The following IFRD1 variants were observed in gnomAD, a reference collection of about 807,000 sequenced individuals.
IFRD1 encodes the protein interferon-related developmental regulator 1.
In IFRD1, 35 loss-of-function variants were observed where a neutral mutation model predicts 52.9. The observed-to-expected ratio is 0.66, with a 90% CI of 0.51 to 0.88. The LOEUF (loss-of-function observed/expected upper bound fraction) is 0.88, where lower values mean the gene tolerates loss of function less well. Ranked by LOEUF, IFRD1 falls within the 40% of genes least tolerant of loss-of-function variation. The pLI is 0.00. For synonymous variants in IFRD1, 184 were observed against 188.4 expected, an observed-to-expected ratio of 0.98 and a Z score of 0.19; for missense variants, 517 against 550.8, an observed-to-expected ratio of 0.94 and a Z score of 0.61.
chr7:112,456,149 A>G lies in IFRD1; in HGVS notation c.284+63A>G, dbSNP rs946434676. On this transcript the variant is annotated intron_variant, in intron 3 of 11. Coordinates refer to ENST00000403825, the MANE Select transcript of IFRD1 (RefSeq NM_001550.4). ...TGCTTGATCTTAGTCAAAAGCTAAG[A>G]GAAATGATTATTCTGTGTGATTCTA... 4.3e-5 allele frequency: 40 copies of G among 925,636 alleles called. No individual in the cohort carries two copies. The African/African-American group carries it at 6.3e-4, about 15-fold the overall frequency. 57.3% of individuals were successfully genotyped at this position (925,636 alleles called of 1,614,324 possible). A position where few individuals can be genotyped will look rare whatever the true frequency, so the allele number is the denominator to read the frequency against.
intron 5 of IFRD1, 106 bp downstream of exon 5, chr7:112,459,124 G>T (rs1404670542): frequency 2.1e-6 from 2 of 968,252 alleles, no homozygotes; most frequent in East Asian, 2.4e-5. Flanking sequence ...GCAAGAGAGA[G>T]GATCTTGTAA....
chr7:112,455,945 A>C lies in IFRD1; in HGVS notation c.200-57A>C. ...GGAATTCTTGTAGCTAAAGTATACT[A>C]TTATTCCCTGTTTTTTTTCTTTTAA... On this transcript the variant is annotated intron_variant, in intron 2 of 11. Coordinates refer to ENST00000403825, the MANE Select transcript of IFRD1 (RefSeq NM_001550.4). 3 of 1,440,656 alleles carry C rather than the reference A, an allele frequency of 2.1e-6. No homozygotes were observed. The South Asian group carries it at 3.4e-5, about 16-fold the overall frequency. 89.2% of individuals were successfully genotyped at this position (1,440,656 alleles called of 1,614,324 possible).
chr7:112,458,305 T>C (rs1795343926), intron 4 of IFRD1: 1 of 145,108 alleles, frequency 6.9e-6, no homozygotes, highest in Non-Finnish European at 1.5e-5. Flanking sequence ...GGCGACAGAG[T>C]GAGACCCTGT....
At chr7:112,455,489 AC>A (rs1795268097) in intron 1 of IFRD1, among the ~76,000 whole-genome samples, 1 of 144,180 alleles carries the variant, frequency 6.9e-6, no homozygotes, top group Non-Finnish European at 1.5e-5. Flanking sequence ...TCTCAAAAAA[AC>A]AAAAAAAACA....
chr7:112,465,565 T>A (rs1440262803), intron 8 of IFRD1, among the ~76,000 whole-genome samples: 1 of 147,016 alleles, frequency 6.8e-6, no homozygotes, highest in East Asian at 2.0e-4. Flanking sequence ...AACAGTAAGA[T>A]CTATAACTTA....
At chr7:112,452,420 A>T (rs931461191) in intron 1 of IFRD1, 1 of 977,550 alleles carries the variant, frequency 1.0e-6, no homozygotes, top group Non-Finnish European at 1.2e-6. Context: ...GCCTCCCACA[A>T]TGCTGGGACG....
upstream of IFRD1, chr7:112,450,359 G>A (rs148515837): frequency 2.3e-5 from 8 of 346,498 alleles, no homozygotes; most frequent in Non-Finnish European, 3.8e-5. Flanking sequence ...CGTCCAGTGG[G>A]GAGGTGTGCA....
intron 4 of IFRD1, 25 bp from the exon 5 acceptor site, chr7:112,458,836 G>T: frequency 6.2e-7 from 1 of 1,610,494 alleles, no homozygotes; most frequent in South Asian, 1.1e-5. Flanking sequence ...AGACTATCGT[G>T]ATTGCATCTT....
intron 5 of IFRD1, among the ~76,000 whole-genome samples, chr7:112,459,333 A>G (rs1204950477): frequency 1.2e-4 from 19 of 152,186 alleles, no homozygotes; most frequent in Admixed American, 1.2e-3. Flanking sequence ...TTCATTCTCT[A>G]ATTGTTGGAT....
At chr7:112,432,686 A>C (rs1243431061) in intron 1 of IFRD1, among the ~76,000 whole-genome samples, 1 of 152,224 alleles carries the variant, frequency 6.6e-6, no homozygotes, top group South Asian at 2.1e-4. Context: ...GACACACATC[A>C]GCCTGGCTTC....
intron 5 of IFRD1, 56 bp downstream of exon 5, chr7:112,459,074 G>T: frequency 7.1e-7 from 1 of 1,412,356 alleles, no homozygotes; most frequent in Non-Finnish European, 9.9e-7. Context: ...CCCAGACGTG[G>T]TGCGCCTATA....
intron 1 of IFRD1, among the ~76,000 whole-genome samples, chr7:112,438,553 C>T (rs751591464): frequency 2.0e-5 from 3 of 152,100 alleles, no homozygotes; most frequent in Non-Finnish European, 4.4e-5. Context: ...TTTGAGAGTT[C>T]CTTGATCAGC....
chr7:112,443,044 T>A (rs1453131609), intron 1 of IFRD1, among the ~76,000 whole-genome samples: 1 of 152,204 alleles, frequency 6.6e-6, no homozygotes, highest in Non-Finnish European at 1.5e-5. Flanking sequence ...GTTCTATCAT[T>A]AATCACATTG....
intron 1 of IFRD1, among the ~76,000 whole-genome samples, chr7:112,430,892 A>C (rs985406650): frequency 6.6e-6 from 1 of 152,204 alleles, no homozygotes; most frequent in Non-Finnish European, 1.5e-5. Flanking sequence ...CACCTAGGTC[A>C]GCACCGTGTT....
At position 112,474,518 on chromosome 7, in the gene IFRD1, G is replaced by A. The variant is rs575864660; in HGVS notation, c.1267-912G>A. On this transcript the variant is annotated intron_variant, in intron 11 of 11. Transcript: ENST00000403825. Reference sequence around the variant, plus strand: ...ATATCCACATAATTGTTTCTTGTACGGCATTTTAAGTTTTTTTTAAGAAAC... The same window carrying A: ...ATATCCACATAATTGTTTCTTGTACAGCATTTTAAGTTTTTTTTAAGAAAC... Among the ~76,000 whole-genome samples, 4 of 151,970 alleles carry A rather than the reference G, an allele frequency of 2.6e-5. 1 individual carries two copies. In the South Asian group the frequency reaches 6.2e-4, roughly 24 times the overall value.
At chr7:112,473,364 C>T (rs1171021551) in intron 11 of IFRD1, among the ~76,000 whole-genome samples, 2 of 151,626 alleles carry the variant, frequency 1.3e-5, no homozygotes, top group East Asian at 1.9e-4. Context: ...GTACCAGACT[C>T]GTTTTACAAA....
chr7:112,440,477 C>T (rs995582875), intron 1 of IFRD1, among the ~76,000 whole-genome samples: 8 of 152,102 alleles, frequency 5.3e-5, no homozygotes, highest in African/African-American at 1.9e-4. Flanking sequence ...AAGCCTGGTA[C>T]GGTCAATTCA....
intron 1 of IFRD1, among the ~76,000 whole-genome samples, chr7:112,452,954 G>T (rs1795201190): frequency 6.6e-6 from 1 of 152,158 alleles, no homozygotes; most frequent in South Asian, 2.1e-4. Flanking sequence ...ATGGGGGTGA[G>T]ATTTACTTTT....
At chr7:112,445,361 C>T (rs113085160) in intron 1 of IFRD1, among the ~76,000 whole-genome samples, 7,697 of 151,948 alleles carry the variant, frequency 0.051, 241 homozygotes, top group Middle Eastern at 0.09. Context: ...TTACCCCGCC[C>T]GGCCGGCCTA....
Sources: allele counts gnomAD v4.1 joint callset (sites outside exome capture counted in the v4.1 genomes callset), GRCh38; gene constraint gnomAD v4.1.1; transcripts MANE v1.5; gene names NCBI Gene and HGNC (gene_info 2026-07-23, HGNC 2026-07-21).